Variants in MICA observed in about 807,000 individuals in gnomAD.
MICA encodes the protein HLA class I antigen.
In MICA, 18 loss-of-function variants were observed where a neutral mutation model predicts 34.3. The observed-to-expected ratio is 0.52, with a 90% CI of 0.36 to 0.78. The LOEUF is 0.78. Ranked by LOEUF, MICA falls within the 30% of genes least tolerant of loss-of-function variation. MICA has a pLI of 0.00. For missense variants in MICA, 333 were observed against 409.4 expected (o/e 0.81, Z 1.61); for synonymous variants, 135 against 156.9 (o/e 0.86, Z 1.04).
chr6:31,403,027 A>C (rs1324722364), upstream of MICA, among the ~76,000 whole-genome samples: 1 of 151,802 alleles, frequency 6.6e-6, no homozygotes, highest in Non-Finnish European at 1.5e-5. The surrounding 1 kb of genome is among the most constrained non-coding windows in gnomAD (Gnocchi z 4.7). Context: ...GAAACGTCTA[A>C]GAGAGTTTGT....
In MICA at chr6:31,411,847, G is replaced by A; in HGVS notation, c.614-100G>A. 3 of 1,488,378 alleles carry A rather than the reference G, an allele frequency of 2.0e-6. No homozygotes were observed. Among genetic ancestry groups the A allele is most frequent in the Non-Finnish European group, 2.7e-6 (3 of 1,119,380 alleles). 92.2% of individuals were successfully genotyped at this position (1,488,378 alleles called of 1,614,324 possible). ...GACTTGCAGGTCAGGGGTCCCGGAG[G>A]GCTTCAGCCAGAGTGAGAACAGTGA... On this transcript the variant is annotated intron_variant, in intron 3 of 5. Transcript: ENST00000449934. The surrounding 1 kb of genome is among the most constrained non-coding windows in gnomAD (Gnocchi z 4.3).
upstream of MICA, among the ~76,000 whole-genome samples, chr6:31,401,213 T>G (rs1252671006): frequency 1.3e-5 from 2 of 151,592 alleles, no homozygotes; most frequent in African/African-American, 4.9e-5. Flanking sequence ...CTTATGATCT[T>G]TAGCAGTGAA....
chr6:31,412,397 T>G lies in MICA; in HGVS notation c.965T>G (p.Phe322Cys), dbSNP rs1434548755. The G allele has an allele frequency of 6.4e-7, 1 of 1,556,444 alleles. No homozygotes were observed. The highest frequency in any genetic ancestry group is 1.2e-5 in the South Asian group (1 of 85,648). Residue 322 changes from phenylalanine (F) to cysteine (C), a missense_variant, in exon 5 of 6, where the codon TTT (phenylalanine) becomes TGT (cysteine). Phe to Cys is a radical substitution (Grantham distance 205). Transcript: ENST00000449934. ...GCTGTTGCTGCTGGCTGCTGCTATTTTTGTTATTATTATTTTCTATGTCCG... is the reference window on the plus strand; with the variant it reads ...GCTGTTGCTGCTGGCTGCTGCTATTGTTGTTATTATTATTTTCTATGTCCG... ...VSAVAAGCCYFCYYYFLCPLL is the reference protein window; with the variant it reads ...VSAVAAGCCYCCYYYFLCPLL
chr6:31,412,326 G>A lies in MICA; in HGVS notation c.894G>A (p.Gly298=). The A allele has an allele frequency of 6.2e-7, 1 of 1,602,238 alleles. No individual in the cohort carries two copies. Among genetic ancestry groups the A allele is most frequent in the Non-Finnish European group, 8.5e-7 (1 of 1,175,984 alleles). The change falls in exon 5 of 6, where the codon GGG becomes GGA. Residue 298 remains glycine, a splice_region_variant and synonymous_variant. Coordinates refer to ENST00000449934, the MANE Select transcript of MICA (RefSeq NM_001177519.3). The stretch of plus-strand genomic sequence containing the variant: ...GTATAACAAGTCCCTTTTTTTCAGG[G>A]AAAGTGCTGGTGCTTCAGAGTCATT... The part of the protein sequence containing the change: ...GNHSTHPVPS[G]KVLVLQSHWQ...
At chr6:31,404,369 C>T (rs1770632211) in intron 1 of MICA, among the ~76,000 whole-genome samples, 1 of 151,644 alleles carries the variant, frequency 6.6e-6, no homozygotes, top group African/African-American at 2.4e-5. Flanking sequence ...CTCATCCCAC[C>T]CCTACTAATG....
chr6:31,404,109 C>T (rs142319683), intron 1 of MICA, among the ~76,000 whole-genome samples: 75 of 151,772 alleles, frequency 4.9e-4, no homozygotes, highest in African/African-American at 1.7e-3. Context: ...GCTCTCAGGT[C>T]CCTGAAGTCC....
At chr6:31,410,998 CT>C (rs1771104140) in intron 2 of MICA, 73 bp from the exon 3 acceptor site, 3 of 1,495,294 alleles carry the variant, frequency 2.0e-6, no homozygotes, top group African/African-American at 2.8e-5. Flanking sequence ...GGCATACCCC[CT>C]GGGCTGAGTT....
chr6:31,403,718 G>C lies in MICA; in HGVS notation c.70+16G>C. ...GCTGCTGCTGGTGAGTGGCGTTCCT[G>C]GCGGTCCTCGGCGGAGCGGGAGCAG... On this transcript the variant is annotated intron_variant, in intron 1 of 5. Coordinates refer to ENST00000449934, the MANE Select transcript of MICA (RefSeq NM_001177519.3). This position sits in a 1 kb window ranked among gnomAD's most constrained non-coding sequence, Gnocchi z 4.7. The C allele has an allele frequency of 6.5e-7, 1 of 1,527,062 alleles. No individual in the cohort carries two copies. The highest frequency in any genetic ancestry group is 8.8e-7 in the Non-Finnish European group (1 of 1,139,458). The allele number at this position is 1,527,062 out of a possible 1,614,324, so 94.6% of individuals were successfully genotyped here.
intron 1 of MICA, among the ~76,000 whole-genome samples, chr6:31,407,365 T>C (rs532473908): frequency 1.3e-5 from 2 of 152,002 alleles, no homozygotes; most frequent in South Asian, 4.2e-4. Flanking sequence ...GCCTCCCAAG[T>C]AGCTGGGATT....
rs756500810 is a variant in MICA, at chr6:31,411,999, C to T, written c.666C>T (p.Thr222=). Residue 222 remains threonine (T), a synonymous_variant, in exon 4 of 6, where the codon ACC becomes ACT. Transcript: ENST00000449934. The surrounding 1 kb of genome is among the most constrained non-coding windows in gnomAD (Gnocchi z 4.3). The part of the protein sequence containing the change: ...TRSEASEGNI[T]VTCRASSFYP... ...GCGAGGCCTCAGAGGGCAACATCAC[C>T]GTGACATGCAGGGCTTCCAGCTTCT... 40 of 1,612,752 alleles carry T rather than the reference C, an allele frequency of 2.5e-5. 1 individual carries two copies. Among genetic ancestry groups the T allele is most frequent in the African/African-American group, 2.3e-4 (17 of 74,686 alleles).
chr6:31,405,856 A>G lies in MICA; in HGVS notation c.70+2154A>G, dbSNP rs566914313. On this transcript the variant is annotated intron_variant, in intron 1 of 5. Coordinates refer to ENST00000449934, the MANE Select transcript of MICA (RefSeq NM_001177519.3). ...CCTGGGGCTTATTTCACTTCACAGG[A>G]TGACCTCCAGTTCTTTGCAAATGAC... Among the ~76,000 whole-genome samples the G allele has an allele frequency of 2.6e-4, 39 of 151,980 alleles. 1 individual carries two copies. Among genetic ancestry groups the G allele is most frequent in the African/African-American group, 9.4e-4 (39 of 41,370 alleles).
In MICA at chr6:31,411,180, T is replaced by G. The variant is rs1749135672; in HGVS notation, c.434T>G (p.Leu145Arg). The G allele has an allele frequency of 1.2e-6, 2 of 1,613,296 alleles. No homozygotes were observed. Among genetic ancestry groups the G allele is most frequent in the African/African-American group, 2.7e-5 (2 of 74,788 alleles). Residue 145 changes from leucine (L) to arginine (R), a missense_variant, in exon 3 of 6, where the codon CTG (leucine) becomes CGG (arginine). Physicochemically the swap from Leu to Arg is moderately radical, Grantham distance 102. Transcript: ENST00000449934. The surrounding 1 kb of genome is among the most constrained non-coding windows in gnomAD (Gnocchi z 4.3). ...GGGGAGCTCTTCCTCTCCCAAAACC[T>G]GGAGACTGAGGAATGGACAGTGCCC... is the stretch of plus-strand genomic sequence containing the variant. ...YDGELFLSQN[L>R]ETEEWTVPQS...
rs1292604605 is a variant in MICA at position 31,411,929 on chromosome 6, C to T, written c.614-18C>T. The T allele has an allele frequency of 6.2e-7, 1 of 1,605,904 alleles. No individual in the cohort carries two copies. The highest frequency in any genetic ancestry group is 1.1e-5 in the South Asian group (1 of 89,868). On this transcript the variant is annotated intron_variant, in intron 3 of 5. Coordinates refer to ENST00000449934, the MANE Select transcript of MICA (RefSeq NM_001177519.3). This position sits in a 1 kb window ranked among gnomAD's most constrained non-coding sequence, Gnocchi z 4.3. Reference sequence around the variant, plus strand: ...AGAGGGGAGCAGGGCTTCACTGGCTCTGCCCTTTCTTCTCCAGTGCCCCCC... The same window carrying T: ...AGAGGGGAGCAGGGCTTCACTGGCTTTGCCCTTTCTTCTCCAGTGCCCCCC...
intron 5 of MICA, among the ~76,000 whole-genome samples, 158 bp from the exon 6 acceptor site, chr6:31,414,854 G>A (rs1347834355): frequency 2.6e-5 from 4 of 151,890 alleles, no homozygotes; most frequent in Non-Finnish European, 5.9e-5. Context: ...CAGGGGCTGG[G>A]AAAAGCAAGG....
upstream of MICA, among the ~76,000 whole-genome samples, chr6:31,401,193 T>C (rs1770407753): frequency 6.6e-6 from 1 of 151,504 alleles, no homozygotes; most frequent in South Asian, 2.1e-4. Context: ...CCTCCCAGTC[T>C]CTCACTAGGC....
Position 31,403,796 on chromosome 6 carries a change from C to T in MICA, c.70+94C>T. 1 of 1,221,880 alleles carries T rather than the reference C, an allele frequency of 8.2e-7. No homozygotes were observed. The highest frequency in any genetic ancestry group is 1.4e-5 in the South Asian group (1 of 72,006). The allele number at this position is 1,221,880 out of a possible 1,614,324, so 75.7% of individuals were successfully genotyped here. ...AGCGGCGAGCGCTGTGCGGTCAGGG[C>T]GGGGCTCCTGTGCCCTGTCGGTGGC... On this transcript the variant is annotated intron_variant, in intron 1 of 5. Transcript: ENST00000449934. This position sits in a 1 kb window ranked among gnomAD's most constrained non-coding sequence, Gnocchi z 4.7.
At chr6:31,414,931 A>C in intron 5 of MICA, 81 bp from the exon 6 acceptor site, 1 of 1,177,450 alleles carries the variant, frequency 8.5e-7, no homozygotes, top group Non-Finnish European at 1.2e-6. Context: ...TTTTGGAGCA[A>C]CTGAAGAGAG....
upstream of MICA, among the ~76,000 whole-genome samples, chr6:31,401,237 A>G (rs1770412861): frequency 6.6e-6 from 1 of 151,596 alleles, no homozygotes; most frequent in East Asian, 1.9e-4. Flanking sequence ...AATCTCTCTA[A>G]GGTGGGGAAA....
chr6:31,403,801 C>A lies in MICA; in HGVS notation c.70+99C>A. On this transcript the variant is annotated intron_variant, in intron 1 of 5. Coordinates refer to ENST00000449934, the MANE Select transcript of MICA (RefSeq NM_001177519.3). This position sits in a 1 kb window ranked among gnomAD's most constrained non-coding sequence, Gnocchi z 4.7. ...CGAGCGCTGTGCGGTCAGGGCGGGG[C>A]TCCTGTGCCCTGTCGGTGGCGCAGG... The A allele has an allele frequency of 8.9e-7, 1 of 1,124,172 alleles. No individual in the cohort carries two copies. 69.6% of individuals were successfully genotyped at this position (1,124,172 alleles called of 1,614,324 possible).
Sources: gnomAD v4.1 joint callset for allele counts (sites outside exome capture counted in the v4.1 genomes callset) on GRCh38, gnomAD v4.1.1 for gene constraint, Gnocchi (gnomAD v3.1) non-coding constraint, MANE v1.5 for transcripts, NCBI Gene and HGNC (gene_info 2026-07-23, HGNC 2026-07-21) for gene names.